Variants in NRG1 observed in about 807,000 individuals in gnomAD.
The protein encoded by NRG1 is neuregulin 1, also known as pro-neuregulin-1, membrane-bound isoform.
NRG1 carries 18 observed loss-of-function variants against 63.8 expected under a neutral mutation model. The ratio of observed to expected loss-of-function variants is 0.28; its 90% confidence interval spans 0.19 to 0.42. The LOEUF (loss-of-function observed/expected upper bound fraction) is 0.42, where lower values mean the gene tolerates loss of function less well. Ranked by LOEUF, NRG1 falls within the 10% of genes least tolerant of loss-of-function variation. The pLI, the probability that NRG1 is intolerant of heterozygous loss-of-function variation, is 1.00. For missense variants in NRG1, 762 were observed against 814.7 expected, an observed-to-expected ratio of 0.94 and a Z score of 0.79; for synonymous variants, 302 against 301.3, an observed-to-expected ratio of 1.00 and a Z score of -0.02.
chr8:31,812,149 C>G (rs1009020216), intron 1 of NRG1, among the ~76,000 whole-genome samples: 18 of 152,268 alleles, frequency 1.2e-4, no homozygotes, highest in Non-Finnish European at 1.5e-5. Flanking sequence ...TGCTTAAATA[C>G]ATAGTACCAT....
At chr8:32,404,787 G>T (rs145584539) in intron 1 of NRG1, among the ~76,000 whole-genome samples, 147 of 151,918 alleles carry the variant, frequency 9.7e-4, no homozygotes, top group African/African-American at 3.5e-3. Context: ...GTTTCACCAT[G>T]GTGGCCAGGC....
chr8:32,620,777 GA>G (rs1848209995), intron 5 of NRG1, among the ~76,000 whole-genome samples: 1 of 151,734 alleles, frequency 6.6e-6, no homozygotes, highest in African/African-American at 2.4e-5. Context: ...AGTTATGGTT[GA>G]ACCACTGCAC....
chr8:32,352,910 T>TAG (rs1224902984), intron 1 of NRG1, among the ~76,000 whole-genome samples: 1 of 118,268 alleles, frequency 8.5e-6, no homozygotes, highest in Non-Finnish European at 1.9e-5. Context: ...CATATATATA[T>TAG]ATATAGAGAG....
intron 1 of NRG1, among the ~76,000 whole-genome samples, chr8:31,847,185 C>A (rs1826770715): frequency 6.6e-6 from 1 of 152,310 alleles, no homozygotes; most frequent in South Asian, 2.1e-4. Flanking sequence ...TGGTGTTACA[C>A]AATCTTTCCA....
chr8:32,516,455 T>A (rs1829832103), intron 1 of NRG1, among the ~76,000 whole-genome samples: 1 of 152,222 alleles, frequency 6.6e-6, no homozygotes, highest in South Asian at 2.1e-4. Context: ...CTTTTCTAAT[T>A]CTGTGAAAAA....
chr8:31,827,625 A>T (rs1219511031), intron 1 of NRG1, among the ~76,000 whole-genome samples: 1 of 152,222 alleles, frequency 6.6e-6, no homozygotes, highest in Non-Finnish European at 1.5e-5. Context: ...TCACAAATAT[A>T]ATTTTTCTCT....
intron 1 of NRG1, among the ~76,000 whole-genome samples, chr8:32,459,591 C>A (rs868419565): frequency 7.3e-5 from 11 of 151,114 alleles, no homozygotes; most frequent in Middle Eastern, 3.4e-3. Context: ...ATAGTGAGAC[C>A]CCATTTCTAA....
intron 1 of NRG1, among the ~76,000 whole-genome samples, chr8:32,474,493 C>A (rs1388826204): frequency 7.6e-6 from 1 of 131,952 alleles, no homozygotes; most frequent in Non-Finnish European, 1.6e-5. Context: ...CAGTGATATT[C>A]CCTTTTTTTT....
At chr8:32,489,206 C>T (rs1826252124) in intron 1 of NRG1, among the ~76,000 whole-genome samples, 2 of 152,086 alleles carry the variant, frequency 1.3e-5, no homozygotes, top group Non-Finnish European at 2.9e-5. Flanking sequence ...GGGAAGTGAG[C>T]ATGCGCAGTG....
intron 1 of NRG1, among the ~76,000 whole-genome samples, chr8:32,245,684 A>G (rs1729789432): frequency 6.6e-6 from 1 of 152,200 alleles, no homozygotes; most frequent in Admixed American, 6.6e-5. Flanking sequence ...TTGATCACAA[A>G]ATAAAGCTAG....
At chr8:31,878,508 A>G (rs13279596) in intron 1 of NRG1, among the ~76,000 whole-genome samples, 47,714 of 152,138 alleles carry the variant, frequency 0.31, 8,481 homozygotes, top group East Asian at 0.74. Context: ...TACAAGTAGA[A>G]TTATGGGGCA....
Position 32,548,566 on chromosome 8 carries a change from C to A in NRG1, c.-161C>A. 7.8e-7 allele frequency: 1 copy of A among 1,279,768 alleles called. No homozygotes were observed. Among genetic ancestry groups the A allele is most frequent in the Non-Finnish European group, 9.8e-7 (1 of 1,016,650 alleles). 79.3% of individuals were successfully genotyped at this position (1,279,768 alleles called of 1,614,324 possible). ...GCCCGCCGCGTCCGCGCCGCGCTCCCTGCAGGCAACGGGAGACGCCCCCGC... is the reference window on the plus strand; with the variant it reads ...GCCCGCCGCGTCCGCGCCGCGCTCCATGCAGGCAACGGGAGACGCCCCCGC... On this transcript the variant is annotated 5_prime_UTR_variant, in exon 1 of 12. The change creates a new upstream start codon in the 5' untranslated region. Coordinates refer to ENST00000356819, the Ensembl canonical transcript of NRG1.
chr8:32,563,851 G>A (rs185860466), intron 1 of NRG1, among the ~76,000 whole-genome samples: 7 of 152,104 alleles, frequency 4.6e-5, no homozygotes, highest in African/African-American at 7.2e-5. Context: ...CAGAAGAATC[G>A]TAACATTAAG....
chr8:31,978,200 T>C (rs1808506992), intron 1 of NRG1, among the ~76,000 whole-genome samples: 1 of 152,120 alleles, frequency 6.6e-6, no homozygotes, highest in Non-Finnish European at 1.5e-5. Flanking sequence ...TTAGAATATC[T>C]TTAAGTAGTT....
At chr8:32,448,874 T>C (rs776860228) in intron 1 of NRG1, among the ~76,000 whole-genome samples, 2 of 152,142 alleles carry the variant, frequency 1.3e-5, no homozygotes, top group Non-Finnish European at 2.9e-5. Context: ...TGTTGAATTA[T>C]CTTGAGAAAA....
At chr8:32,471,355 C>A (rs1823822023) in intron 1 of NRG1, among the ~76,000 whole-genome samples, 1 of 152,136 alleles carries the variant, frequency 6.6e-6, no homozygotes, top group Non-Finnish European at 1.5e-5. Flanking sequence ...TTTTCTTGGA[C>A]CCAAGTGAGT....
intron 8 of NRG1, among the ~76,000 whole-genome samples, chr8:32,756,083 A>G (rs10503928): frequency 0.015 from 2,250 of 152,300 alleles, 51 homozygotes; most frequent in African/African-American, 0.052. Flanking sequence ...GTCCATTTGT[A>G]AGACTTAGGC....
At chr8:32,159,618 A>G (rs1473224939) in intron 1 of NRG1, among the ~76,000 whole-genome samples, 3 of 151,900 alleles carry the variant, frequency 2.0e-5, no homozygotes, top group Non-Finnish European at 2.9e-5. Context: ...TTATCCCAGT[A>G]TTTTTAAAAT....
chr8:32,614,954 G>A (rs768990495), intron 4 of NRG1, among the ~76,000 whole-genome samples: 8 of 152,002 alleles, frequency 5.3e-5, no homozygotes, highest in Non-Finnish European at 1.2e-4. Flanking sequence ...CATCTGATCC[G>A]TGACCTTTGG....
Sources: allele counts gnomAD v4.1 joint callset (sites outside exome capture counted in the v4.1 genomes callset), GRCh38; gene constraint gnomAD v4.1.1; transcripts MANE v1.5; gene names NCBI Gene and HGNC (gene_info 2026-07-23, HGNC 2026-07-21).